The following PKP4 variants were observed in gnomAD, a reference collection of about 807,000 sequenced individuals.
The protein encoded by PKP4 is plakophilin-4.
PKP4 carries 90 observed loss-of-function variants against 145.1 expected under a neutral mutation model. The ratio of observed to expected loss-of-function variants is 0.62; its 90% CI spans 0.52 to 0.74. The LOEUF is 0.74. Ranked by LOEUF, PKP4 falls within the 30% of genes least tolerant of loss-of-function variation. The pLI is 0.00. For synonymous variants in PKP4, 563 were observed against 577.2 expected (o/e 0.98, Z 0.35); for missense variants, 1,340 against 1,482.7 (o/e 0.90, Z 1.58).
intron 1 of PKP4, among the ~76,000 whole-genome samples, chr2:158,529,509 G>A (rs933043933): frequency 2.0e-5 from 3 of 152,132 alleles, no homozygotes; most frequent in African/African-American, 7.2e-5. Context: ...ATCATCTCTT[G>A]AATGGATACA....
chr2:158,680,021 T>G (rs2058332080), intron 21 of PKP4, among the ~76,000 whole-genome samples: 1 of 152,236 alleles, frequency 6.6e-6, no homozygotes, highest in Non-Finnish European at 1.5e-5. Context: ...TTGACTAAAT[T>G]AGTGATGTGC....
At chr2:158,552,754 T>C (rs550292790) in intron 2 of PKP4, among the ~76,000 whole-genome samples, 1 of 152,364 alleles carries the variant, frequency 6.6e-6, no homozygotes, top group South Asian at 2.1e-4. Context: ...AAGTTATGTT[T>C]ACACTATACT....
chr2:158,638,536 G>C (rs1331563195), intron 9 of PKP4, among the ~76,000 whole-genome samples: 1 of 152,088 alleles, frequency 6.6e-6, no homozygotes, highest in African/African-American at 2.4e-5. Context: ...ATGGCTGTTA[G>C]TGACATCACC....
chr2:158,541,784 G>T (rs553934818), intron 2 of PKP4, among the ~76,000 whole-genome samples: 2 of 151,920 alleles, frequency 1.3e-5, no homozygotes, highest in East Asian at 3.8e-4. Context: ...ATAAAGCAAC[G>T]CGGCATCAGT....
chr2:158,639,131 T>A (rs916664585), intron 9 of PKP4, among the ~76,000 whole-genome samples: 1 of 152,214 alleles, frequency 6.6e-6, no homozygotes, highest in African/African-American at 2.4e-5. Flanking sequence ...GTAAATGAGA[T>A]AATGAAGGTA....
At chr2:158,602,405 G>C (rs1191992585) in intron 3 of PKP4, among the ~76,000 whole-genome samples, 1 of 152,166 alleles carries the variant, frequency 6.6e-6, no homozygotes, top group Non-Finnish European at 1.5e-5. Context: ...AATCCATTCT[G>C]TTGTTCCTGT....
chr2:158,492,147 G>A (rs972765106), intron 1 of PKP4, among the ~76,000 whole-genome samples: 4 of 151,234 alleles, frequency 2.6e-5, no homozygotes, highest in African/African-American at 9.7e-5. Context: ...ATACAATTTG[G>A]CTCTCTTGCA....
At chr2:158,676,300 A>G (rs993210906) in intron 19 of PKP4, among the ~76,000 whole-genome samples, 1 of 152,250 alleles carries the variant, frequency 6.6e-6, no homozygotes, top group Admixed American at 6.5e-5. Context: ...GAAGAGCTAT[A>G]CATAAAGGAT....
intron 1 of PKP4, among the ~76,000 whole-genome samples, chr2:158,471,981 A>G (rs1268699234): frequency 6.6e-6 from 1 of 152,244 alleles, no homozygotes; most frequent in Non-Finnish European, 1.5e-5. Context: ...TTCTGTACCA[A>G]AAAGCGCTAT....
chr2:158,626,712 G>A (rs1449432920), intron 7 of PKP4, among the ~76,000 whole-genome samples: 1 of 152,264 alleles, frequency 6.6e-6, no homozygotes, highest in Non-Finnish European at 1.5e-5. Context: ...AATCTGATAG[G>A]TAAAAAGCTG....
At chr2:158,519,831 CAG>C (rs1180287378) in intron 1 of PKP4, among the ~76,000 whole-genome samples, 21 of 152,290 alleles carry the variant, frequency 1.4e-4, no homozygotes, top group African/African-American at 5.1e-4. Flanking sequence ...TCCCCTCCAT[CAG>C]AGTTTTAATT....
chr2:158,652,099 A>C (rs2055421589), intron 11 of PKP4, among the ~76,000 whole-genome samples: 2 of 152,214 alleles, frequency 1.3e-5, no homozygotes. Flanking sequence ...TGGGAAATCT[A>C]TTTTAGTAAT....
intron 2 of PKP4, among the ~76,000 whole-genome samples, chr2:158,566,058 A>C (rs2046956942): frequency 6.6e-6 from 1 of 152,226 alleles, no homozygotes; most frequent in Non-Finnish European, 1.5e-5. Context: ...ATTAAGCCAC[A>C]GAATATCTGC....
At chr2:158,604,558 G>A (rs1430382346) in intron 4 of PKP4, among the ~76,000 whole-genome samples, 1 of 152,124 alleles carries the variant, frequency 6.6e-6, no homozygotes, top group Non-Finnish European at 1.5e-5. Context: ...CAATTCATAA[G>A]GATTTAGAGG....
chr2:158,546,069 T>C (rs1245587005), intron 2 of PKP4, among the ~76,000 whole-genome samples: 1 of 152,196 alleles, frequency 6.6e-6, no homozygotes, highest in African/African-American at 2.4e-5. Context: ...CATTAAATTC[T>C]TTGTATTTGA....
At chr2:158,607,561 GA>G in intron 4 of PKP4, among the ~76,000 whole-genome samples, 1 of 152,248 alleles carries the variant, frequency 6.6e-6, no homozygotes, top group African/African-American at 2.4e-5. Context: ...CCTAGAGCTG[GA>G]GCAGTGGGAG....
Position 158,658,114 on chromosome 2 carries a change from T to TAAA in PKP4, c.1910-16_1910-14dup. ...CAGGATCTCTATTTGTTTGATTTTT[T>TAAA]AAATCTCCTTTTTTAGGAGTTCTTT... On this transcript the variant is annotated splice_polypyrimidine_tract_variant and intron_variant, in intron 11 of 21. Coordinates refer to ENST00000389759, the MANE Select transcript of PKP4 (RefSeq NM_003628.6). 6.8e-7 allele frequency: 1 copy of TAAA among 1,467,382 alleles called. No individual in the cohort carries two copies. The highest frequency in any genetic ancestry group is 2.2e-4 in the Middle Eastern group (1 of 4,548). The allele number at this position is 1,467,382 out of a possible 1,614,324, so 90.9% of individuals were successfully genotyped here. A position where few individuals can be genotyped will look rare whatever the true frequency, so the allele number is the denominator to read the frequency against.
intron 2 of PKP4, among the ~76,000 whole-genome samples, chr2:158,569,099 C>A (rs929128997): frequency 6.6e-6 from 1 of 152,112 alleles, no homozygotes; most frequent in Non-Finnish European, 1.5e-5. Flanking sequence ...TTAATGTACC[C>A]CCAAACCTCT....
chr2:158,630,398 A>G (rs570618492), intron 7 of PKP4, among the ~76,000 whole-genome samples: 1 of 152,360 alleles, frequency 6.6e-6, no homozygotes, highest in Non-Finnish European at 1.5e-5. Context: ...GAAAGAAGGT[A>G]AACAAGAATC....
Sources: allele counts gnomAD v4.1 joint callset (sites outside exome capture counted in the v4.1 genomes callset), GRCh38; gene constraint gnomAD v4.1.1; transcripts MANE v1.5; gene names NCBI Gene and HGNC (gene_info 2026-07-23, HGNC 2026-07-21).